The following MMAA variants were observed in gnomAD, a reference collection of about 807,000 sequenced individuals.
MMAA encodes the protein metabolism of cobalamin associated A.
In MMAA, 41 loss-of-function variants were observed where a neutral mutation model predicts 45.0. The ratio of observed to expected loss-of-function variants is 0.91; its 90% confidence interval spans 0.71 to 1.18. MMAA has a LOEUF of 1.18. Ranked by LOEUF, MMAA falls within the 50% of genes most tolerant of loss-of-function variation. The pLI is 0.00. For missense variants in MMAA, 460 were observed against 495.7 expected (o/e 0.93, Z 0.68); for synonymous variants, 154 against 178.2 (o/e 0.86, Z 1.08).
chr4:145,636,514 C>A (rs1727615213), intron 1 of MMAA, among the ~76,000 whole-genome samples: 1 of 152,230 alleles, frequency 6.6e-6, no homozygotes, highest in South Asian at 2.1e-4. Context: ...CCGGTCCAGC[C>A]TCATCTCCTA....
intron 3 of MMAA, among the ~76,000 whole-genome samples, chr4:145,643,087 T>G (rs1382159355): frequency 1.3e-5 from 2 of 152,308 alleles, no homozygotes; most frequent in South Asian, 2.1e-4. Context: ...TCACTCAAAG[T>G]TTAATTTGCA....
At chr4:145,626,507 C>T (rs1258401652) in intron 1 of MMAA, among the ~76,000 whole-genome samples, 1 of 151,860 alleles carries the variant, frequency 6.6e-6, no homozygotes, top group Non-Finnish European at 1.5e-5. Flanking sequence ...ACTTAGCACT[C>T]GAAATAGAAA....
At chr4:145,626,139 C>T (rs887564281) in intron 1 of MMAA, 5 of 497,560 alleles carry the variant, frequency 1.0e-5, no homozygotes, top group East Asian at 3.0e-5. Flanking sequence ...AAAGCTGATT[C>T]GATTATTGAT....
chr4:145,646,644 A>T (rs1727934586), intron 4 of MMAA: 1 of 174,896 alleles, frequency 5.7e-6, no homozygotes, highest in Non-Finnish European at 1.2e-5. Context: ...ACAGTCTATT[A>T]TATTACTGTG....
chr4:145,636,057 A>G (rs79296355), intron 1 of MMAA, among the ~76,000 whole-genome samples: 1 of 152,182 alleles, frequency 6.6e-6, no homozygotes, highest in Admixed American at 6.5e-5. Flanking sequence ...TACTGTCCTC[A>G]TGGAATTAAC....
At chr4:145,629,089 T>A (rs966838110) in intron 1 of MMAA, among the ~76,000 whole-genome samples, 8 of 152,214 alleles carry the variant, frequency 5.3e-5, no homozygotes, top group African/African-American at 1.9e-4. Flanking sequence ...TGCCTTCCAT[T>A]CCGTTGATAT....
At chr4:145,636,505 C>T (rs147676738) in intron 1 of MMAA, among the ~76,000 whole-genome samples, 2 of 152,338 alleles carry the variant, frequency 1.3e-5, no homozygotes, top group East Asian at 1.9e-4. Flanking sequence ...AGTTTACCTC[C>T]GGTCCAGCCT....
rs7699166 is a variant in MMAA at position 145,658,202 on chromosome 4, A to T, written c.*2768A>T. 0.51 allele frequency: 77,955 copies of T among 152,078 alleles called. 21,338 individuals are homozygous for T. Among genetic ancestry groups the T allele is most frequent in the African/African-American group, 0.71 (29,475 of 41,446 alleles). 9.4% of individuals were successfully genotyped at this position (152,078 alleles called of 1,614,324 possible). On this transcript the variant is annotated 3_prime_UTR_variant, in exon 7 of 7. Transcript: ENST00000649156. ...TGTAGTCTGTAGAACCATAAGCCAAATAAACATCTTTTCTTTATAAATTTA... is the reference window on the plus strand; with the variant it reads ...TGTAGTCTGTAGAACCATAAGCCAATTAAACATCTTTTCTTTATAAATTTA...
intron 1 of MMAA, among the ~76,000 whole-genome samples, chr4:145,631,561 A>C (rs1225016169): frequency 5.3e-5 from 8 of 152,130 alleles, no homozygotes; most frequent in Non-Finnish European, 1.2e-4. Flanking sequence ...GGCTTCCTAT[A>C]GGCAACAGAT....
chr4:145,631,574 T>C (rs951822677), intron 1 of MMAA, among the ~76,000 whole-genome samples: 3 of 152,182 alleles, frequency 2.0e-5, no homozygotes, highest in Non-Finnish European at 2.9e-5. Context: ...CAACAGATCA[T>C]TGGGTCTTTT....
intron 4 of MMAA, among the ~76,000 whole-genome samples, chr4:145,647,843 GGTTTGTTTGTTT>G (rs113872289): frequency 5.7e-4 from 87 of 151,944 alleles, no homozygotes; most frequent in African/African-American, 1.9e-3. Context: ...ATAGGAATGT[GGTTTGTTTGTTT>G]GTTTGTTTGT....
intron 2 of MMAA, among the ~76,000 whole-genome samples, chr4:145,642,081 A>G (rs563185251): frequency 6.6e-6 from 1 of 152,324 alleles, no homozygotes; most frequent in African/African-American, 2.4e-5. Flanking sequence ...GTCTGTCCAG[A>G]AAGATCTACT....
At chr4:145,625,576 A>G in intron 1 of MMAA, 1 of 770,668 alleles carries the variant, frequency 1.3e-6, no homozygotes, top group Admixed American at 1.7e-5. Context: ...AGAGACCTAA[A>G]TATGGTGATG....
intron 3 of MMAA, among the ~76,000 whole-genome samples, chr4:145,644,722 C>T (rs753528846): frequency 6.6e-6 from 1 of 152,176 alleles, no homozygotes; most frequent in Non-Finnish European, 1.5e-5. Flanking sequence ...AGTGTACAAC[C>T]TATGTAAGAC....
rs979161955 is a variant in MMAA at position 145,659,174 on chromosome 4, A to G, written c.*3740A>G. On this transcript the variant is annotated 3_prime_UTR_variant, in exon 7 of 7. Coordinates refer to ENST00000649156, the MANE Select transcript of MMAA (RefSeq NM_172250.3). ...CGTAGTATTTTAATTAAAATTTTTAAAATTTTAAAATTTACTAAATTTATG... is the reference window on the plus strand; with the variant it reads ...CGTAGTATTTTAATTAAAATTTTTAGAATTTTAAAATTTACTAAATTTATG... The G allele has an allele frequency of 4.6e-5, 7 of 152,214 alleles. No individual in the cohort carries two copies. Among genetic ancestry groups the G allele is most frequent in the African/African-American group, 1.7e-4 (7 of 41,458 alleles). The allele number at this position is 152,214 out of a possible 1,614,324, so 9.4% of individuals were successfully genotyped here. A position where few individuals can be genotyped will look rare whatever the true frequency, so the allele number is the denominator to read the frequency against.
At chr4:145,630,815 C>A (rs1186825433) in intron 1 of MMAA, among the ~76,000 whole-genome samples, 1 of 152,034 alleles carries the variant, frequency 6.6e-6, no homozygotes, top group Non-Finnish European at 1.5e-5. Context: ...CTTAGTACTG[C>A]TTTTGCTGTA....
At chr4:145,620,345 T>C (rs1313847789) in intron 1 of MMAA, among the ~76,000 whole-genome samples, 1 of 152,192 alleles carries the variant, frequency 6.6e-6, no homozygotes, top group Non-Finnish European at 1.5e-5. Context: ...TTTGAGATAT[T>C]TGAAGATGTC....
Position 145,642,387 on chromosome 4 carries a change from G to A in MMAA, c.464G>A (p.Gly155Glu), listed in dbSNP as rs1390848245. 4 of 1,614,008 alleles carry A rather than the reference G, an allele frequency of 2.5e-6. No homozygotes were observed. Among genetic ancestry groups the A allele is most frequent in the Non-Finnish European group, 3.4e-6 (4 of 1,180,032 alleles). ...GGATTGTCTGGGCCCCCTGGTGCTG[G>A]AAAATCAACATTTATAGAATATTTT... ...RVGLSGPPGA[G>E]KSTFIEYFGK... The change falls in exon 3 of 7, where the codon GGA becomes GAA. Residue 155 changes from glycine (G) to glutamate (E), a missense_variant. Coordinates refer to ENST00000649156, the MANE Select transcript of MMAA (RefSeq NM_172250.3).
Position 145,659,662 on chromosome 4 carries a change from T to C in MMAA, c.*4228T>C, listed in dbSNP as rs533826043. The C allele has an allele frequency of 8.5e-5, 13 of 152,282 alleles. No homozygotes were observed. The East Asian group carries it at 2.5e-3, about 29-fold the overall frequency. The allele number at this position is 152,282 out of a possible 1,614,324, so 9.4% of individuals were successfully genotyped here. On this transcript the variant is annotated 3_prime_UTR_variant, in exon 7 of 7. Transcript: ENST00000649156. ...AGAGTTCTTTTTTTTCTTTTTTCAA[T>C]TTTTACAATAATTTTTGACACATTG...
Sources: gnomAD v4.1 joint callset for allele counts (sites outside exome capture counted in the v4.1 genomes callset) on GRCh38, gnomAD v4.1.1 for gene constraint, MANE v1.5 for transcripts, NCBI Gene and HGNC (gene_info 2026-07-23, HGNC 2026-07-21) for gene names.